Variants in INTS6L observed in about 807,000 individuals in gnomAD.
INTS6L encodes integrator complex subunit 6-like.
Under a neutral mutation model 64.7 loss-of-function variants are expected in INTS6L, and 18 were observed. The ratio of observed to expected loss-of-function variants is 0.28; its 90% CI spans 0.19 to 0.41. The LOEUF is 0.41. Among genes scored for constraint, INTS6L ranks in the 10% least tolerant of loss-of-function variants. The pLI is 1.00. For synonymous variants in INTS6L, 227 were observed against 235.9 expected (o/e 0.96, Z 0.34); for missense variants, 533 against 661.0 (o/e 0.81, Z 2.12).
rs1464566924 is a variant in INTS6L, at chrX:135,574,976, T to G, written c.1742-108T>G. ...ATGCTAGATTCGAGACTTTAAATAC[T>G]ATTTGATGCCAAGACACACACTGCT... is the stretch of plus-strand genomic sequence containing the variant. On this transcript the variant is annotated intron_variant, in intron 13 of 17. Coordinates refer to ENST00000639893, the MANE Select transcript of INTS6L (RefSeq NM_001351601.3). 5 of 800,216 alleles carry G rather than the reference T, an allele frequency of 6.2e-6. No individual in the cohort carries two copies. The African/African-American group carries it at 1.0e-4, about 17-fold the overall frequency. 65.9% of individuals were successfully genotyped at this position (800,216 alleles called of 1,213,427 possible). A position where few individuals can be genotyped will look rare whatever the true frequency, so the allele number is the denominator to read the frequency against.
At position 135,577,361 on chromosome X, in the gene INTS6L, G is replaced by A; in HGVS notation, c.2053G>A (p.Gly685Arg). ...PTVTNHVGGKGPPSASWFPSY... is the reference protein window; with the variant it reads ...PTVTNHVGGKRPPSASWFPSY... The stretch of plus-strand genomic sequence containing the variant: ...TGTAACTAACCATGTGGGCGGAAAG[G>A]GACCACCCTCAGCCTCGTGGTTCCC... The change falls in exon 15 of 18, where the codon GGA (glycine) becomes AGA (arginine). Residue 685 changes from glycine (G) to arginine (R), a missense_variant. Gly to Arg is a moderately radical substitution (Grantham distance 125). Transcript: ENST00000639893. 1.7e-6 allele frequency: 2 copies of A among 1,211,618 alleles called. No individual in the cohort carries two copies. Among genetic ancestry groups the A allele is most frequent in the Non-Finnish European group, 2.2e-6 (2 of 895,495 alleles).
intron 2 of INTS6L, among the ~76,000 whole-genome samples, chrX:135,528,257 C>T (rs1422472964): frequency 8.9e-6 from 1 of 111,954 alleles, no homozygotes; most frequent in Non-Finnish European, 1.9e-5. Flanking sequence ...GATTATGTTC[C>T]CAGACCTTCC....
chrX:135,538,389 T>C (rs1556510350), intron 2 of INTS6L, among the ~76,000 whole-genome samples: 1 of 112,565 alleles, frequency 8.9e-6, no homozygotes, highest in African/African-American at 3.2e-5. Flanking sequence ...TATTATGAGA[T>C]TGAAGCAATT....
intron 11 of INTS6L, chrX:135,572,041 T>C (rs1274990094): frequency 1.8e-5 from 2 of 112,284 alleles, no homozygotes; most frequent in African/African-American, 6.5e-5. Flanking sequence ...CAAACATTGG[T>C]GGAATTCCAT....
chrX:135,571,215 C>G (rs1412115691), intron 11 of INTS6L: 1 of 111,985 alleles, frequency 8.9e-6, no homozygotes, highest in African/African-American at 3.2e-5. Context: ...TACTTCTCAC[C>G]TCTACTTAGC....
chrX:135,551,369 C>T (rs782506719), intron 7 of INTS6L, among the ~76,000 whole-genome samples: 17 of 112,053 alleles, frequency 1.5e-4, no homozygotes, highest in African/African-American at 5.5e-4. Flanking sequence ...CACAGGCCTT[C>T]GAAGCCCAGC....
chrX:135,563,164 C>T (rs1284034203), intron 9 of INTS6L, among the ~76,000 whole-genome samples: 3 of 110,923 alleles, frequency 2.7e-5, no homozygotes, highest in Non-Finnish European at 5.7e-5. Flanking sequence ...AGTGATTGCT[C>T]CAGGTGTTAT....
intron 2 of INTS6L, among the ~76,000 whole-genome samples, chrX:135,531,748 C>T (rs1336603240): frequency 8.9e-6 from 1 of 111,784 alleles, no homozygotes; most frequent in Non-Finnish European, 1.9e-5. Flanking sequence ...TCTCTAGTAT[C>T]TGTTCCACGT....
intron 2 of INTS6L, among the ~76,000 whole-genome samples, chrX:135,537,609 C>T (rs944331988): frequency 3.9e-4 from 44 of 111,834 alleles, no homozygotes; most frequent in Admixed American, 9.5e-5. Flanking sequence ...ATAGACTAGG[C>T]CCTTCTAATT....
At chrX:135,539,018 G>A (rs2086126437) in intron 2 of INTS6L, among the ~76,000 whole-genome samples, 1 of 112,116 alleles carries the variant, frequency 8.9e-6, no homozygotes, top group African/African-American at 3.2e-5. Flanking sequence ...AATTCTTAAG[G>A]GCCCTTGGAT....
At chrX:135,572,082 A>G (rs901535031) in intron 11 of INTS6L, 4 of 112,278 alleles carry the variant, frequency 3.6e-5, no homozygotes, top group Non-Finnish European at 7.5e-5. Context: ...ATCATAGCTA[A>G]TTTATAATAG....
chrX:135,539,297 T>C (rs1266052952), intron 2 of INTS6L, among the ~76,000 whole-genome samples: 8 of 112,499 alleles, frequency 7.1e-5, no homozygotes, highest in Non-Finnish European at 1.5e-4. Flanking sequence ...ACCTGCTGCT[T>C]CACCTTGCAC....
chrX:135,552,059 C>T lies in INTS6L; in HGVS notation c.972C>T (p.Asp324=). The change falls in exon 8 of 18, where the codon GAC becomes GAT. Residue 324 remains aspartate (D), a synonymous_variant. Transcript: ENST00000639893. ...SCVDCEPMVI[D]KLPFDKYELE... ...TAGATTGTGAGCCAATGGTAATAGA[C>T]AAACTTCCTTTTGACAAATATGAAC... 8.3e-7 allele frequency: 1 copy of T among 1,201,073 alleles called. No homozygotes were observed.
At chrX:135,549,870 C>A in intron 7 of INTS6L, 65 bp downstream of exon 7, 1 of 1,153,570 alleles carries the variant, frequency 8.7e-7, no homozygotes, top group Non-Finnish European at 1.2e-6. Flanking sequence ...TTACAGTGAA[C>A]CTTTTAAAAT....
intron 9 of INTS6L, among the ~76,000 whole-genome samples, chrX:135,564,712 T>C (rs2086888643): frequency 1.1e-5 from 1 of 88,943 alleles, no homozygotes; most frequent in Non-Finnish European, 2.3e-5. Context: ...AGCCTGGGTG[T>C]TGGAGTGATA....
At position 135,546,659 on chromosome X, in the gene INTS6L, A is replaced by AT. The variant is rs782306690; in HGVS notation, c.430-42dup. ...CCTTTAATTCTTTCTTCATTTTTAT[A>AT]TGGTTTGTTATGATGAACCTTTTCA... On this transcript the variant is annotated intron_variant, in intron 4 of 17. Transcript: ENST00000639893. 4.4e-6 allele frequency: 5 copies of AT among 1,145,600 alleles called. No homozygotes were observed. In the East Asian group the frequency reaches 1.5e-4, roughly 35 times the overall value. 94.4% of individuals were successfully genotyped at this position (1,145,600 alleles called of 1,213,427 possible).
chrX:135,541,270 TA>T lies in INTS6L; in HGVS notation c.190-4152del, dbSNP rs782635590. ...TAGGAACGTCAGTGTCCAATAGAAA[TA>T]TAATGTCAGTCATACACATAATTTA... On this transcript the variant is annotated intron_variant, in intron 2 of 17. Transcript: ENST00000639893. Among the ~76,000 whole-genome samples the T allele has an allele frequency of 2.7e-5, 3 of 112,051 alleles. No homozygotes were observed. The Admixed American group carries it at 2.8e-4, about 11-fold the overall frequency.
Position 135,545,424 on chromosome X carries a change from C to A in INTS6L, c.191C>A (p.Ala64Asp). Residue 64 changes from alanine (A) to aspartate (D), a missense_variant and splice_region_variant, in exon 3 of 18, where the codon GCT (alanine) becomes GAT (aspartate). Coordinates refer to ENST00000639893, the MANE Select transcript of INTS6L (RefSeq NM_001351601.3). The part of the protein sequence containing the change: ...TYDEPPYCIK[A>D]GWKENHATFM... ...TCTTTGTAAATGTTTGGTTTGCAGG[C>A]TGGTTGGAAGGAAAATCATGCAACA... is the stretch of plus-strand genomic sequence containing the variant. 1.7e-6 allele frequency: 2 copies of A among 1,207,907 alleles called. No individual in the cohort carries two copies. The highest frequency in any genetic ancestry group is 2.2e-6 in the Non-Finnish European group (2 of 894,539).
rs1232331729 is a variant in INTS6L, at chrX:135,570,335, C to G, written c.1288-101C>G. 6 of 778,331 alleles carry G rather than the reference C, an allele frequency of 7.7e-6. No homozygotes were observed. The East Asian group carries it at 2.2e-4, about 28-fold the overall frequency. 64.1% of individuals were successfully genotyped at this position (778,331 alleles called of 1,213,427 possible). ...TTTGGTTTTATGTGCAGCACCTTGA[C>G]TTCTAAGAAATGAATCATGTCCCTT... On this transcript the variant is annotated intron_variant, in intron 10 of 17. Coordinates refer to ENST00000639893, the MANE Select transcript of INTS6L (RefSeq NM_001351601.3).
Sources: allele counts gnomAD v4.1 joint callset (sites outside exome capture counted in the v4.1 genomes callset), GRCh38; gene constraint gnomAD v4.1.1; transcripts MANE v1.5; gene names NCBI Gene and HGNC (gene_info 2026-07-23, HGNC 2026-07-21).